OTUD4: variants seen among roughly 807,000 people sequenced by gnomAD.
The protein encoded by OTUD4 is OTU domain-containing protein 4.
In OTUD4, 24 loss-of-function variants were observed where a neutral mutation model predicts 130.4. The observed-to-expected ratio is 0.18, with a 90% CI of 0.13 to 0.26. The LOEUF (loss-of-function observed/expected upper bound fraction) is 0.26. Ranked by LOEUF, OTUD4 falls within the 10% of genes least tolerant of loss-of-function variation. The pLI is 1.00. For synonymous variants in OTUD4, 420 were observed against 472.5 expected (o/e 0.89, Z 1.44); for missense variants, 1,031 against 1,329.4 (o/e 0.78, Z 3.49).
intron 7 of OTUD4, among the ~76,000 whole-genome samples, chr4:145,156,467 T>C (rs1237994336): frequency 6.6e-6 from 1 of 152,172 alleles, no homozygotes; most frequent in Admixed American, 6.5e-5. Flanking sequence ...GCAGATCACC[T>C]GAGTTTGAGA....
In OTUD4 at chr4:145,143,374, A is replaced by C. The variant is rs1750653913; in HGVS notation, c.1674T>G (p.Pro558=). 1 of 1,596,352 alleles carries C rather than the reference A, an allele frequency of 6.3e-7. No homozygotes were observed. Residue 558 remains proline, a synonymous_variant, in exon 17 of 21, where the codon CCT becomes CCG. Transcript: ENST00000447906. The part of the protein sequence containing the change: ...SKSKKLECPS[P]AEQKPAEHVS... ...GCAACAATATACTTACTTGTTCCGC[A>C]GGAGAAGGGCACTCTAACTTCTTTG... is the stretch of plus-strand genomic sequence containing the variant.
intron 2 of OTUD4, 60 bp from the exon 3 acceptor site, chr4:145,171,780 C>G: frequency 1.3e-6 from 1 of 798,736 alleles, no homozygotes. Context: ...CAGTTAACCG[C>G]TTCGCTGTGT....
rs1245896674 is a variant in OTUD4 at position 145,145,467 on chromosome 4, C to T, written c.1422+800G>A. 8.5e-5 allele frequency among the ~76,000 whole-genome samples: 13 copies of T among 152,304 alleles called. No individual in the cohort carries two copies. In the East Asian group the frequency reaches 2.3e-3, roughly 27 times the overall value. On this transcript the variant is annotated intron_variant, in intron 14 of 20. Transcript: ENST00000447906. ...GGAAGTCCACAGAGACCAGAAGACA[C>T]ACCTGAGTGTGTGGGGCTTTAATGT...
At chr4:145,144,241 A>G in intron 15 of OTUD4, 70 bp downstream of exon 15, 1 of 1,509,062 alleles carries the variant, frequency 6.6e-7, no homozygotes. Flanking sequence ...TTCTTTCCCA[A>G]ATATATGACA....
At chr4:145,162,002 T>A (rs1751596040) in intron 6 of OTUD4, among the ~76,000 whole-genome samples, 1 of 152,184 alleles carries the variant, frequency 6.6e-6, no homozygotes, top group South Asian at 2.1e-4. Flanking sequence ...AAACAAGGTC[T>A]CACTCTGCTG....
intron 3 of OTUD4, among the ~76,000 whole-genome samples, chr4:145,165,788 G>T (rs149179096): frequency 6.6e-6 from 1 of 152,088 alleles, no homozygotes; most frequent in African/African-American, 2.4e-5. Context: ...AGTTGAGAAC[G>T]TATTGAAGGC....
chr4:145,140,961 C>A (rs755950146), intron 19 of OTUD4, among the ~76,000 whole-genome samples: 1 of 151,830 alleles, frequency 6.6e-6, no homozygotes, highest in South Asian at 2.1e-4. Context: ...GTCGGGAGAT[C>A]GAGACCATCC....
chr4:145,144,195 T>G (rs1750714586), intron 15 of OTUD4, 116 bp downstream of exon 15: 2 of 1,185,666 alleles, frequency 1.7e-6, no homozygotes, highest in African/African-American at 3.1e-5. Context: ...TCAAAATATG[T>G]GACATTAGAT....
chr4:145,144,806 T>C (rs1015128670), intron 14 of OTUD4, among the ~76,000 whole-genome samples: 1 of 152,072 alleles, frequency 6.6e-6, no homozygotes, highest in Non-Finnish European at 1.5e-5. Flanking sequence ...TATTTTTTGG[T>C]GGGGAGTTGG....
intron 11 of OTUD4, among the ~76,000 whole-genome samples, chr4:145,151,991 G>A (rs11942615): frequency 0.031 from 4,779 of 152,238 alleles, 224 homozygotes; most frequent in African/African-American, 0.11. Flanking sequence ...TCAATTTCTT[G>A]AACTGCCTTT....
At chr4:145,165,884 G>A (rs1751843827) in intron 3 of OTUD4, among the ~76,000 whole-genome samples, 1 of 152,086 alleles carries the variant, frequency 6.6e-6, no homozygotes. Context: ...AGAGGCGGCT[G>A]GGCGCAGTGG....
At chr4:145,159,751 A>G (rs914081719) in intron 6 of OTUD4, 116 bp from the exon 7 acceptor site, 11 of 921,468 alleles carry the variant, frequency 1.2e-5, no homozygotes, top group Non-Finnish European at 1.8e-5. Context: ...TCCTGACTAG[A>G]TATCTGCTAA....
In OTUD4 at chr4:145,155,669, C is replaced by T. The variant is rs1579263670; in HGVS notation, c.708G>A (p.Gly236=). 3 of 1,603,226 alleles carry T rather than the reference C, an allele frequency of 1.9e-6. No individual in the cohort carries two copies. The highest frequency in any genetic ancestry group is 8.5e-7 in the Non-Finnish European group (1 of 1,174,554). ...TAGACAAAGGCAGGCTAGTAGAGTT[C>T]CCATTGTTCTTCAGCTGCTAAACAA... is the stretch of plus-strand genomic sequence containing the variant. ...LSGNEQLKNN[G]NSTSLPLSRK... The change falls in exon 9 of 21, where the codon GGG becomes GGA. Residue 236 remains glycine (G), a synonymous_variant. Transcript: ENST00000447906.
rs1489112692 is a variant in OTUD4 at position 145,133,856 on chromosome 4, TA to T, written c.*3573del. 6.5e-6 allele frequency: 1 copy of T among 152,682 alleles called. No individual in the cohort carries two copies. 9.5% of individuals were successfully genotyped at this position (152,682 alleles called of 1,614,324 possible). ...AGAATATAAAGTACTAGTTTCCTTT[TA>T]ACACTTCAAAAGATATGTATATATA... is the stretch of plus-strand genomic sequence containing the variant. On this transcript the variant is annotated 3_prime_UTR_variant, in exon 21 of 21. Coordinates refer to ENST00000447906, the MANE Select transcript of OTUD4 (RefSeq NM_001366057.1).
chr4:145,169,932 A>C (rs1333815488), intron 3 of OTUD4, among the ~76,000 whole-genome samples: 1 of 152,246 alleles, frequency 6.6e-6, no homozygotes, highest in African/African-American at 2.4e-5. Context: ...GTGTTCATGG[A>C]GCTTAATTCA....
intron 6 of OTUD4, among the ~76,000 whole-genome samples, chr4:145,161,769 C>G (rs1291112109): frequency 6.6e-6 from 1 of 152,110 alleles, no homozygotes; most frequent in Non-Finnish European, 1.5e-5. Flanking sequence ...ATCAATAGTT[C>G]CAAGGTTCAA....
Position 145,165,200 on chromosome 4 carries a change from G to A in OTUD4, c.295-3C>T. 8.1e-6 allele frequency: 13 copies of A among 1,603,884 alleles called. No individual in the cohort carries two copies. The highest frequency in any genetic ancestry group is 1.1e-5 in the Non-Finnish European group (13 of 1,173,022). ...ATTTCCACTTGTCCTACCCATTCCT[G>A]TATTGAAGAAAAAAAGGTGGCATGT... On this transcript the variant is annotated splice_region_variant and splice_polypyrimidine_tract_variant and intron_variant, in intron 3 of 20. Coordinates refer to ENST00000447906, the MANE Select transcript of OTUD4 (RefSeq NM_001366057.1).
At position 145,152,897 on chromosome 4, in the gene OTUD4, T is replaced by TC. The variant is rs1491199551; in HGVS notation, c.874-263dup. 5.2e-4 allele frequency among the ~76,000 whole-genome samples: 77 copies of TC among 148,370 alleles called. 1 individual carries two copies. The highest frequency in any genetic ancestry group is 1.9e-3 in the African/African-American group (74 of 39,772). ...CACCACACTCGGCTTTTTTTTTTTT[T>TC]CTTTTTTTTGTATTTTTAGTAGAGA... is the stretch of plus-strand genomic sequence containing the variant. On this transcript the variant is annotated intron_variant, in intron 10 of 20. Transcript: ENST00000447906.
chr4:145,171,779 G>A lies in OTUD4; in HGVS notation c.244-59C>T, dbSNP rs868276390. ...AACATATATGCCAAAACAGTTAACC[G>A]CTTCGCTGTGTAAACATTCACTGTG... On this transcript the variant is annotated intron_variant, in intron 2 of 20. Coordinates refer to ENST00000447906, the MANE Select transcript of OTUD4 (RefSeq NM_001366057.1). 35 of 797,400 alleles carry A rather than the reference G, an allele frequency of 4.4e-5. 1 individual carries two copies. The highest frequency in any genetic ancestry group is 2.4e-4 in the Middle Eastern group (1 of 4,212). The allele number at this position is 797,400 out of a possible 1,614,324, so 49.4% of individuals were successfully genotyped here.
Sources: allele counts gnomAD v4.1 joint callset (sites outside exome capture counted in the v4.1 genomes callset), GRCh38; gene constraint gnomAD v4.1.1; transcripts MANE v1.5; gene names NCBI Gene and HGNC (gene_info 2026-07-23, HGNC 2026-07-21).